The following CIT variants were observed in gnomAD, a reference collection of about 807,000 sequenced individuals.
CIT encodes citron rho-interacting serine/threonine kinase.
A neutral mutation model predicts 272.7 loss-of-function variants in CIT; 79 were observed. The observed-to-expected ratio is 0.29, with a 90% CI of 0.24 to 0.35. The LOEUF is 0.35. Ranked by LOEUF, CIT falls within the 10% of genes least tolerant of loss-of-function variation. The pLI, the probability that CIT is intolerant of heterozygous loss-of-function variation, is 1.00. For missense variants in CIT, 1,909 were observed against 2,618.3 expected, an observed-to-expected ratio of 0.73 and a Z score of 5.91; for synonymous variants, 948 against 995.6, an observed-to-expected ratio of 0.95 and a Z score of 0.90.
chr12:119,769,579 G>A (rs139411363), intron 18 of CIT, among the ~76,000 whole-genome samples: 58 of 152,176 alleles, frequency 3.8e-4, no homozygotes, highest in African/African-American at 1.3e-3. Context: ...CAGCAGCGGT[G>A]GGATCTCAGT....
At chr12:119,847,932 T>C (rs530891393) in intron 5 of CIT, among the ~76,000 whole-genome samples, 2 of 152,130 alleles carry the variant, frequency 1.3e-5, no homozygotes, top group East Asian at 3.9e-4. Flanking sequence ...AAAAGTCTGT[T>C]AATACATTCA....
Position 119,834,039 on chromosome 12 carries a change from A to T in CIT, c.659+47T>A, listed in dbSNP as rs761976405. On this transcript the variant is annotated intron_variant, in intron 6 of 47. Coordinates refer to ENST00000392521, the MANE Select transcript of CIT (RefSeq NM_001206999.2). ...ATTTCCATGCAGGAACTCTTATGCG[A>T]CACAGGAAAATCCTCAGCATAAAAA... 2.3e-5 allele frequency: 35 copies of T among 1,555,508 alleles called. No individual in the cohort carries two copies. The East Asian group carries it at 7.7e-4, about 34-fold the overall frequency.
At chr12:119,772,978 G>T in intron 16 of CIT, 68 bp from the exon 17 acceptor site, 18 of 1,202,006 alleles carry the variant, frequency 1.5e-5, no homozygotes, top group South Asian at 1.7e-5. Flanking sequence ...GTGACAGTAT[G>T]TTCTGCACAT....
chr12:119,783,882 G>A (rs1349874994), intron 12 of CIT, 26 bp downstream of exon 12: 1 of 1,547,596 alleles, frequency 6.5e-7, no homozygotes, highest in African/African-American at 1.4e-5. Context: ...CACCTCCAAG[G>A]GAAGGGGGCT....
Position 119,730,645 on chromosome 12 carries a change from C to A in CIT, c.3351-15G>T, listed in dbSNP as rs367761715. 44 of 1,611,564 alleles carry A rather than the reference C, an allele frequency of 2.7e-5. No individual in the cohort carries two copies. The highest frequency in any genetic ancestry group is 3.6e-5 in the Non-Finnish European group (42 of 1,178,530). On this transcript the variant is annotated splice_polypyrimidine_tract_variant and intron_variant, in intron 26 of 47. Coordinates refer to ENST00000392521, the MANE Select transcript of CIT (RefSeq NM_001206999.2). Reference sequence around the variant, plus strand: ...CGGCTCTCGCCCTGCCAGAAAGACACAGGTCAGCTTTTGGTAGCCCCCCAA... The same window carrying A: ...CGGCTCTCGCCCTGCCAGAAAGACAAAGGTCAGCTTTTGGTAGCCCCCCAA...
intron 40 of CIT, among the ~76,000 whole-genome samples, chr12:119,705,391 G>A (rs1175691762): frequency 6.6e-6 from 1 of 152,100 alleles, no homozygotes; most frequent in Non-Finnish European, 1.5e-5. Flanking sequence ...ATTAGTCCTG[G>A]CACGAAGGTC....
intron 10 of CIT, among the ~76,000 whole-genome samples, chr12:119,800,270 C>T (rs1291925133): frequency 1.3e-5 from 2 of 152,040 alleles, no homozygotes; most frequent in Non-Finnish European, 1.5e-5. Flanking sequence ...CTAATTTCAC[C>T]ATAACCCCAC....
intron 39 of CIT, among the ~76,000 whole-genome samples, chr12:119,709,423 T>C (rs1035969660): frequency 6.6e-6 from 1 of 152,126 alleles, no homozygotes; most frequent in African/African-American, 2.4e-5. Flanking sequence ...GAACTCTCTG[T>C]ACCTTTCAAT....
In CIT at chr12:119,804,390, C is replaced by A. The variant is rs576453114; in HGVS notation, c.1112-1001G>T. Reference sequence around the variant, plus strand: ...CGAGTTAGAGCCGAGCATCACATCCCCCGCAGTGCAGGCTGCATGCTCCCG... The same window carrying A: ...CGAGTTAGAGCCGAGCATCACATCCACCGCAGTGCAGGCTGCATGCTCCCG... On this transcript the variant is annotated intron_variant, in intron 9 of 47. Transcript: ENST00000392521. This position sits in a 1 kb window ranked among gnomAD's most constrained non-coding sequence, Gnocchi z 5.3. 2.9e-5 allele frequency: 29 copies of A among 985,624 alleles called. No individual in the cohort carries two copies. Among genetic ancestry groups the A allele is most frequent in the Non-Finnish European group, 3.5e-5 (29 of 830,062 alleles). 61.1% of individuals were successfully genotyped at this position (985,624 alleles called of 1,614,324 possible).
intron 46 of CIT, among the ~76,000 whole-genome samples, chr12:119,696,474 T>C (rs1451787308): frequency 6.6e-6 from 1 of 152,176 alleles, no homozygotes; most frequent in Admixed American, 6.5e-5. Flanking sequence ...GTTGCCTTTA[T>C]GGAGAAACAG....
At chr12:119,839,709 A>G (rs894342293) in intron 5 of CIT, among the ~76,000 whole-genome samples, 1 of 152,188 alleles carries the variant, frequency 6.6e-6, no homozygotes, top group Non-Finnish European at 1.5e-5. Context: ...TCTTGCCAAG[A>G]AACAGACAGG....
At chr12:119,778,406 G>C (rs1963977224) in intron 13 of CIT, among the ~76,000 whole-genome samples, 1 of 152,174 alleles carries the variant, frequency 6.6e-6, no homozygotes, top group African/African-American at 2.4e-5. Context: ...GTGGGGTGAG[G>C]ACGAGAGAGA....
intron 4 of CIT, among the ~76,000 whole-genome samples, chr12:119,854,031 ATTTT>A (rs112692831): frequency 4.8e-5 from 7 of 145,874 alleles, no homozygotes; most frequent in Non-Finnish European, 1.1e-4. Context: ...TACATAATTT[ATTTT>A]TTTTTTTTGA....
chr12:119,698,405 C>A (rs1268405148), intron 44 of CIT, among the ~76,000 whole-genome samples: 1 of 152,102 alleles, frequency 6.6e-6, no homozygotes, highest in African/African-American at 2.4e-5. Flanking sequence ...GCCTGGCCTA[C>A]ATGGTGAAAC....
intron 24 of CIT, among the ~76,000 whole-genome samples, chr12:119,741,869 T>C (rs1028071399): frequency 1.3e-5 from 2 of 152,200 alleles, no homozygotes; most frequent in Non-Finnish European, 2.9e-5. Flanking sequence ...AATTTACTTC[T>C]CTCAATATAA....
Position 119,863,600 on chromosome 12 carries a change from C to G in CIT, c.238+5460G>C, listed in dbSNP as rs527504144. ...GGAGTGCAGTGGCGCAATCTTGGCT[C>G]ACTGCAACCTCTGCCTCCCAGGTTC... On this transcript the variant is annotated intron_variant, in intron 3 of 47. Coordinates refer to ENST00000392521, the MANE Select transcript of CIT (RefSeq NM_001206999.2). 3.3e-5 allele frequency among the ~76,000 whole-genome samples: 5 copies of G among 151,832 alleles called. No homozygotes were observed. In the South Asian group the frequency reaches 1.0e-3, roughly 32 times the overall value.
chr12:119,871,418 G>T (rs894981396), intron 2 of CIT, among the ~76,000 whole-genome samples: 1 of 152,074 alleles, frequency 6.6e-6, no homozygotes, highest in East Asian at 1.9e-4. Context: ...GAAACAGACC[G>T]GCTGCATTTG....
chr12:119,870,678 C>A (rs181984073), intron 2 of CIT, among the ~76,000 whole-genome samples: 1 of 152,014 alleles, frequency 6.6e-6, no homozygotes, highest in African/African-American at 2.4e-5. Context: ...ATCCAGCCCA[C>A]GGACTTTTTA....
At chr12:119,818,019 A>G (rs541576284) in intron 9 of CIT, among the ~76,000 whole-genome samples, 1 of 152,334 alleles carries the variant, frequency 6.6e-6, no homozygotes, top group Non-Finnish European at 1.5e-5. Context: ...ATCATCACAA[A>G]TATTATTACT....
Sources: gnomAD v4.1 joint callset for allele counts (sites outside exome capture counted in the v4.1 genomes callset) on GRCh38, gnomAD v4.1.1 for gene constraint, Gnocchi (gnomAD v3.1) non-coding constraint, MANE v1.5 for transcripts, NCBI Gene and HGNC (gene_info 2026-07-23, HGNC 2026-07-21) for gene names.